SYNE1: variants seen among roughly 807,000 people sequenced by gnomAD.
The protein encoded by SYNE1 is spectrin repeat containing nuclear envelope protein 1.
A neutral mutation model predicts 1,111.0 loss-of-function variants in SYNE1; 616 were observed. The ratio of observed to expected loss-of-function variants is 0.55; its 90% CI spans 0.52 to 0.59. SYNE1 has a LOEUF of 0.59. Ranked by LOEUF, SYNE1 falls within the 20% of genes least tolerant of loss-of-function variation. SYNE1 has a pLI of 0.00. For missense variants in SYNE1, 10,006 were observed against 10,417.0 expected (o/e 0.96, Z 1.72); for synonymous variants, 3,855 against 3,825.8 (o/e 1.01, Z -0.28).
intron 59 of SYNE1, among the ~76,000 whole-genome samples, chr6:152,371,855 A>C (rs4988949): frequency 0.015 from 123 of 7,980 alleles, 4 homozygotes; most frequent in Middle Eastern, 0.071. Context: ...CAGGAAAGGA[A>C]AGGAAAGGAA....
chr6:152,615,428 A>ATT (rs34364170), intron 3 of SYNE1, among the ~76,000 whole-genome samples: 107,076 of 150,972 alleles, frequency 0.71, 37,997 homozygotes, highest in East Asian at 0.79. Flanking sequence ...TCTTGAAACT[A>ATT]TTTTTTTTTA....
chr6:152,183,913 G>A (rs1200574305), intron 128 of SYNE1, among the ~76,000 whole-genome samples: 1 of 149,956 alleles, frequency 6.7e-6, no homozygotes, highest in Admixed American at 6.6e-5. Context: ...ATATCCAGAG[G>A]CAGCTGATAT....
At chr6:152,578,813 T>A (rs1182405979) in intron 3 of SYNE1, among the ~76,000 whole-genome samples, 2 of 152,254 alleles carry the variant, frequency 1.3e-5, no homozygotes, top group African/African-American at 4.8e-5. Flanking sequence ...ACATTTTATA[T>A]GACTGTCACT....
intron 3 of SYNE1, among the ~76,000 whole-genome samples, chr6:152,590,776 T>G (rs1187067039): frequency 6.6e-6 from 1 of 152,212 alleles, no homozygotes; most frequent in Admixed American, 6.5e-5. Flanking sequence ...TCTAATTCAC[T>G]TTTCCTTTGA....
chr6:152,198,442 T>C (rs530337744), intron 127 of SYNE1, among the ~76,000 whole-genome samples: 2 of 152,354 alleles, frequency 1.3e-5, no homozygotes, highest in East Asian at 3.9e-4. Flanking sequence ...ATGCATTCAC[T>C]GGAGTATTAC....
In SYNE1 at chr6:152,230,558, T is replaced by G. The variant is rs771203839; in HGVS notation, c.21184A>C (p.Lys7062Gln). 31 of 1,613,998 alleles carry G rather than the reference T, an allele frequency of 1.9e-5. No homozygotes were observed. The South Asian group carries it at 3.3e-4, about 17-fold the overall frequency. ...GDQASVQNAL[K>Q]DCQDLEDLIK... ...CCTGGACAAGTTACCTGACAGTCTT[T>G]CAGTGCATTTTGAACAGAAGCCTGA... The change falls in exon 115 of 146, where the codon AAA becomes CAA. Residue 7062 changes from lysine to glutamine, a missense_variant. Transcript: ENST00000367255.
chr6:152,404,402 G>T, intron 45 of SYNE1, 88 bp from the exon 46 acceptor site: 1 of 994,394 alleles, frequency 1.0e-6, no homozygotes, highest in Non-Finnish European at 1.6e-6. Flanking sequence ...TAACTTTGTC[G>T]AAATACCCCA....
intron 3 of SYNE1, among the ~76,000 whole-genome samples, chr6:152,590,078 T>TGC (rs2099554412): frequency 6.6e-6 from 1 of 151,254 alleles, no homozygotes; most frequent in Non-Finnish European, 1.5e-5. Context: ...GGACTACAGG[T>TGC]GCATGCCACC....
chr6:152,506,188 G>A (rs914853286), intron 8 of SYNE1, among the ~76,000 whole-genome samples: 2 of 152,148 alleles, frequency 1.3e-5, no homozygotes, highest in Non-Finnish European at 2.9e-5. Context: ...AAAGAGAAGC[G>A]AGGCAAGCTC....
rs2097142637 is a variant in SYNE1, at chr6:152,369,604, A to T, written c.9518T>A (p.Ile3173Asn). Residue 3173 changes from isoleucine to asparagine, a missense_variant, in exon 60 of 146, where the codon ATC becomes AAC. By Grantham distance (149) the Ile-to-Asn change is moderately radical. Coordinates refer to ENST00000367255, the MANE Select transcript of SYNE1 (RefSeq NM_182961.4). ...ACTTACTTCAAAGTCCTTCATTTGG[A>T]TCTTTAGATTCTGCAAGGTTTTAGA... ...QKESALENLK[I>N]QMKDFEVSAE... The T allele has an allele frequency of 6.2e-7, 1 of 1,614,096 alleles. No homozygotes were observed. Among genetic ancestry groups the T allele is most frequent in the Non-Finnish European group, 8.5e-7 (1 of 1,180,018 alleles).
chr6:152,444,489 T>C lies in SYNE1; in HGVS notation c.3759A>G (p.Lys1253=). ...TCTTCTCAGCTTGTTCCTGGACTTC[T>C]TTAGAGCCAGAAATTAATTCTTCGA... ...NSLEELISGS[K]EVQEQAEKIL... The change falls in exon 30 of 146, where the codon AAA becomes AAG. Residue 1253 remains lysine (K), a synonymous_variant. Transcript: ENST00000367255. The C allele has an allele frequency of 1.9e-6, 3 of 1,614,012 alleles. No individual in the cohort carries two copies. The highest frequency in any genetic ancestry group is 2.5e-6 in the Non-Finnish European group (3 of 1,179,960).
At position 152,409,217 on chromosome 6, in the gene SYNE1, C is replaced by T; in HGVS notation, c.6391G>A (p.Ala2131Thr). ...TGTTTGTAATTCATTTTGTTCTTGG[C>T]AGTTTCATGCTGTGGATAAATGATT... ...LKWAFSKHETAKNKMNYKQKD... is the reference protein window; with the variant it reads ...LKWAFSKHETTKNKMNYKQKD... Residue 2131 changes from alanine to threonine, a missense_variant, in exon 44 of 146, where the codon GCC becomes ACC. Around this residue, in one of 7 missense-constraint regions of SYNE1, gnomAD observed 4,955 missense variants for 5,017.2 expected, o/e 0.99. Transcript: ENST00000367255. 6.2e-7 allele frequency: 1 copy of T among 1,613,938 alleles called. No homozygotes were observed. The highest frequency in any genetic ancestry group is 1.1e-5 in the South Asian group (1 of 91,066).
chr6:152,204,041 A>G (rs1434947422), intron 126 of SYNE1, among the ~76,000 whole-genome samples: 4 of 152,112 alleles, frequency 2.6e-5, no homozygotes, highest in African/African-American at 4.8e-5. Context: ...TGATCAACAT[A>G]CAGTTGATAA....
intron 108 of SYNE1, among the ~76,000 whole-genome samples, chr6:152,238,108 G>A (rs998890172): frequency 2.7e-5 from 4 of 150,576 alleles, no homozygotes; most frequent in African/African-American, 9.7e-5. Context: ...ACAATAAGTT[G>A]TATGGTATAA....
rs1291648860 is a variant in SYNE1 at position 152,148,666 on chromosome 6, C to T, written c.24643-288G>A. On this transcript the variant is annotated intron_variant, in intron 136 of 145. Coordinates refer to ENST00000367255, the MANE Select transcript of SYNE1 (RefSeq NM_182961.4). This position sits in a 1 kb window ranked among gnomAD's most constrained non-coding sequence, Gnocchi z 4.1. ...GGGAATAACAGTCCCAGGCATCCCA[C>T]AGGGTTTTTTTTTTTTGAGTGGGAA... 8.7e-6 allele frequency among the ~76,000 whole-genome samples: 1 copy of T among 115,112 alleles called. No homozygotes were observed. Among genetic ancestry groups the T allele is most frequent in the Non-Finnish European group, 1.8e-5 (1 of 55,380 alleles). 75.5% of individuals were successfully genotyped at this position (115,112 alleles called of 152,430 possible).
At chr6:152,214,142 G>A (rs1411748615) in intron 122 of SYNE1, among the ~76,000 whole-genome samples, 7 of 148,456 alleles carry the variant, frequency 4.7e-5, no homozygotes, top group East Asian at 2.0e-4. Context: ...GCAGTGAGCC[G>A]AGATTGTGCC....
At chr6:152,350,963 G>A (rs2096731621) in intron 70 of SYNE1, among the ~76,000 whole-genome samples, 193 bp from the exon 71 acceptor site, 1 of 152,168 alleles carries the variant, frequency 6.6e-6, no homozygotes, top group South Asian at 2.1e-4. Context: ...CAACAGCAGA[G>A]TCACACATCA....
chr6:152,572,567 C>G (rs1231167809), intron 3 of SYNE1, among the ~76,000 whole-genome samples: 1 of 152,072 alleles, frequency 6.6e-6, no homozygotes, highest in African/African-American at 2.4e-5. Flanking sequence ...AGTCTATGAC[C>G]CGCCCAACGT....
chr6:152,619,245 A>G (rs1447190987), intron 3 of SYNE1, among the ~76,000 whole-genome samples: 1 of 152,194 alleles, frequency 6.6e-6, no homozygotes, highest in African/African-American at 2.4e-5. Flanking sequence ...TTATACATTC[A>G]TGGAACTCTA....
Sources: allele counts gnomAD v4.1 joint callset (sites outside exome capture counted in the v4.1 genomes callset), GRCh38; gene constraint gnomAD v4.1.1; regional missense constraint gnomAD v4.1.1; non-coding constraint Gnocchi (gnomAD v3.1); transcripts MANE v1.5; gene names NCBI Gene and HGNC (gene_info 2026-07-23, HGNC 2026-07-21).